The following SREBF2 variants were observed in gnomAD, a reference collection of about 807,000 sequenced individuals.
The protein encoded by SREBF2 is sterol regulatory element binding transcription factor 2.
Under a neutral mutation model 113.1 loss-of-function variants are expected in SREBF2, and 55 were observed. That is an observed-to-expected ratio of 0.49 (90% confidence interval 0.39 to 0.61). The LOEUF is 0.61. Among genes scored for constraint, SREBF2 ranks in the 20% least tolerant of loss-of-function variants. The probability of loss-of-function intolerance (pLI) is 0.00; values close to 1 mark genes in which losing one functional copy is unlikely to be tolerated. For missense variants in SREBF2, 1,349 were observed against 1,487.4 expected, an observed-to-expected ratio of 0.91 and a Z score of 1.53; for synonymous variants, 593 against 605.7, an observed-to-expected ratio of 0.98 and a Z score of 0.31.
intron 15 of SREBF2, chr22:41,899,368 C>T (rs2077444747): frequency 3.0e-6 from 3 of 1,011,636 alleles, no homozygotes; most frequent in Non-Finnish European, 3.6e-6. Context: ...GGGCATTCGG[C>T]ACTAGTGATG....
At chr22:41,895,783 G>A (rs905685965) in intron 13 of SREBF2, among the ~76,000 whole-genome samples, 3 of 152,148 alleles carry the variant, frequency 2.0e-5, no homozygotes, top group Non-Finnish European at 4.4e-5. Context: ...GTCAGTACTT[G>A]GACCAAGTCA....
chr22:41,844,043 C>CAG (rs2076855321), intron 1 of SREBF2, among the ~76,000 whole-genome samples: 1 of 143,554 alleles, frequency 7.0e-6, no homozygotes, highest in Non-Finnish European at 1.5e-5. Flanking sequence ...TACACACACA[C>CAG]ACACACACAC....
chr22:41,854,174 T>G (rs1041739696), intron 1 of SREBF2, among the ~76,000 whole-genome samples: 3 of 152,014 alleles, frequency 2.0e-5, no homozygotes, highest in African/African-American at 7.2e-5. Context: ...GTTTTTGTTT[T>G]TGTTTTGAGA....
At chr22:41,888,478 T>C (rs924804650) in intron 11 of SREBF2, among the ~76,000 whole-genome samples, 1 of 151,948 alleles carries the variant, frequency 6.6e-6, no homozygotes, top group Non-Finnish European at 1.5e-5. Flanking sequence ...ATCTAGTCTG[T>C]TCCACTGCAC....
At chr22:41,838,685 A>G (rs2076800862) in intron 1 of SREBF2, among the ~76,000 whole-genome samples, 1 of 152,214 alleles carries the variant, frequency 6.6e-6, no homozygotes, top group African/African-American at 2.4e-5. Flanking sequence ...GTGAACCCAG[A>G]TTGTGCCACT....
intron 1 of SREBF2, among the ~76,000 whole-genome samples, chr22:41,862,885 G>A (rs763911515): frequency 1.3e-5 from 2 of 152,172 alleles, no homozygotes; most frequent in Non-Finnish European, 2.9e-5. Context: ...TTTGTGTGTG[G>A]GTTGAAAGGG....
chr22:41,901,669 A>T (rs546619133), intron 16 of SREBF2, among the ~76,000 whole-genome samples: 6 of 152,176 alleles, frequency 3.9e-5, no homozygotes, highest in Admixed American at 2.6e-4. Context: ...TTTAAAAAAA[A>T]GCTGGTGGGG....
At position 41,866,868 on chromosome 22, in the gene SREBF2, C is replaced by T; in HGVS notation, c.126C>T (p.Phe42=). Residue 42 remains phenylalanine, a synonymous_variant, in exon 2 of 19, where the codon TTC becomes TTT. Coordinates refer to ENST00000361204, the MANE Select transcript of SREBF2 (RefSeq NM_004599.4). ...LQFVSNQVGE[F]PDLFSEQLCS... is the part of the protein sequence containing the mutation. ...TTGTCAGTAATCAAGTGGGAGAGTT[C>T]CCTGACTTGTTTTCAGAACAGCTGT... 6.2e-7 allele frequency: 1 copy of T among 1,614,186 alleles called. No individual in the cohort carries two copies. Among genetic ancestry groups the T allele is most frequent in the Non-Finnish European group, 8.5e-7 (1 of 1,180,032 alleles).
intron 1 of SREBF2, among the ~76,000 whole-genome samples, chr22:41,849,327 G>T (rs2076905914): frequency 6.6e-6 from 1 of 152,130 alleles, no homozygotes; most frequent in Admixed American, 6.6e-5. Context: ...AAGTAGCTGG[G>T]ATTACAGGTG....
intron 16 of SREBF2, among the ~76,000 whole-genome samples, chr22:41,901,458 C>A (rs896253492): frequency 2.0e-5 from 3 of 152,154 alleles, no homozygotes; most frequent in Non-Finnish European, 4.4e-5. Flanking sequence ...GTCAGGAGTT[C>A]GAGACCAGCC....
At chr22:41,891,447 A>C (rs1421532365) in intron 11 of SREBF2, 1 of 152,136 alleles carries the variant, frequency 6.6e-6, no homozygotes, top group Non-Finnish European at 1.5e-5. Context: ...TGAGATTATG[A>C]GTATGTGTCT....
chr22:41,897,264 T>C, intron 14 of SREBF2, 103 bp downstream of exon 14: 2 of 679,706 alleles, frequency 2.9e-6, no homozygotes, highest in Non-Finnish European at 2.5e-6. Flanking sequence ...GATGCCAGCA[T>C]CTTCTCTGGA....
chr22:41,902,749 A>G (rs1055175723), intron 16 of SREBF2, among the ~76,000 whole-genome samples: 10 of 152,168 alleles, frequency 6.6e-5, no homozygotes, highest in African/African-American at 2.4e-4. Flanking sequence ...CACCTGCAGA[A>G]TGGGGAGGGC....
intron 1 of SREBF2, among the ~76,000 whole-genome samples, chr22:41,847,917 A>AT (rs200150368): frequency 0.11 from 8,758 of 82,996 alleles, 599 homozygotes; most frequent in African/African-American, 0.27. Context: ...CATTATTATT[A>AT]TTATTTTTTT....
At chr22:41,873,062 T>C (rs2077161567) in intron 4 of SREBF2, among the ~76,000 whole-genome samples, 1 of 152,034 alleles carries the variant, frequency 6.6e-6, no homozygotes, top group Non-Finnish European at 1.5e-5. Flanking sequence ...CCAGGCATGG[T>C]GGCGCATGCC....
At chr22:41,838,081 G>C (rs2076795987) in intron 1 of SREBF2, among the ~76,000 whole-genome samples, 1 of 152,096 alleles carries the variant, frequency 6.6e-6, no homozygotes, top group Non-Finnish European at 1.5e-5. Flanking sequence ...TTTTGAGAAA[G>C]GGCCTCATGT....
At chr22:41,895,091 G>T (rs1458220691) in intron 13 of SREBF2, among the ~76,000 whole-genome samples, 154 bp downstream of exon 13, 1 of 151,848 alleles carries the variant, frequency 6.6e-6, no homozygotes, top group East Asian at 1.9e-4. Flanking sequence ...TCTCAAAAAT[G>T]AGAGCCCTAT....
intron 1 of SREBF2, chr22:41,834,077 G>A (rs2076745503): frequency 6.6e-6 from 1 of 152,564 alleles, no homozygotes; most frequent in African/African-American, 2.4e-5. Context: ...TAACAGCGGA[G>A]TGGAAGAGCT....
chr22:41,844,878 C>T (rs2076862820), intron 1 of SREBF2, among the ~76,000 whole-genome samples: 2 of 152,008 alleles, frequency 1.3e-5, no homozygotes, highest in African/African-American at 4.8e-5. Context: ...CCCAAGTCCT[C>T]CTGATACATT....
Sources: gnomAD v4.1 joint callset for allele counts (sites outside exome capture counted in the v4.1 genomes callset) on GRCh38, gnomAD v4.1.1 for gene constraint, MANE v1.5 for transcripts, NCBI Gene and HGNC (gene_info 2026-07-23, HGNC 2026-07-21) for gene names.